The following IQCN variants were observed in gnomAD, a reference collection of about 807,000 sequenced individuals.
IQCN encodes IQ motif containing N.
IQCN carries 46 observed loss-of-function variants against 64.4 expected under a neutral mutation model. The ratio of observed to expected loss-of-function variants is 0.71; its 90% CI spans 0.56 to 0.91. IQCN has a LOEUF of 0.91. IQCN is among the 40% of genes least tolerant of loss of function. IQCN has a pLI of 0.00. For missense variants in IQCN, 1,753 were observed against 1,857.4 expected (o/e 0.94, Z 1.03); for synonymous variants, 733 against 775.6 (o/e 0.95, Z 0.91).
rs1238802392 is a variant in IQCN, at chr19:18,266,536, AT to A, written c.1003del (p.Ile335SerfsTer14). ...ATATGTCTGGAGTAGAGTCTTGGTG[AT>A]CATGGGCCCTGGACATATCTGGAAG... ...APFQICPGPM[I>X]TKTLLQTYPV... On this transcript the variant is annotated frameshift_variant, in exon 3 of 4. Transcript: ENST00000392413. LOFTEE classifies it high-confidence loss of function. The surrounding 1 kb of genome is among the most constrained non-coding windows in gnomAD (Gnocchi z 4.3). 1 of 1,611,748 alleles carries A rather than the reference AT, an allele frequency of 6.2e-7. No individual in the cohort carries two copies. The highest frequency in any genetic ancestry group is 1.7e-5 in the Admixed American group (1 of 59,784).
In IQCN at chr19:18,266,223, C is replaced by T. The variant is rs372286670; in HGVS notation, c.1317G>A (p.Lys439=). ...PQVSLLASIM[K]SLPQVCPGPA... ...GCCCCGGGCATACCTGGGGCAGGCT[C>T]TTCATGATGGAAGCCAGAAGGGAAA... Residue 439 remains lysine, a synonymous_variant, in exon 3 of 4, where the codon AAG becomes AAA. Coordinates refer to ENST00000392413, the MANE Select transcript of IQCN (RefSeq NM_001145304.2). The surrounding 1 kb of genome is among the most constrained non-coding windows in gnomAD (Gnocchi z 4.3). The T allele has an allele frequency of 7.4e-6, 12 of 1,613,838 alleles. No individual in the cohort carries two copies.
In IQCN at chr19:18,265,688, T is replaced by A; in HGVS notation, c.1852A>T (p.Met618Leu). ...TGTQKQAKTDMAFKTSVAVEM... is the reference protein window; with the variant it reads ...TGTQKQAKTDLAFKTSVAVEM... ...ACTGCCACACTGGTCTTAAATGCCA[T>A]GTCTGTTTTCGCCTGTTTCTGGGTG... Residue 618 changes from methionine to leucine, a missense_variant, in exon 3 of 4, where the codon ATG (methionine) becomes TTG (leucine). Coordinates refer to ENST00000392413, the MANE Select transcript of IQCN (RefSeq NM_001145304.2). This position sits in a 1 kb window ranked among gnomAD's most constrained non-coding sequence, Gnocchi z 4.7. The A allele has an allele frequency of 6.2e-7, 1 of 1,614,176 alleles. No homozygotes were observed. The highest frequency in any genetic ancestry group is 8.5e-7 in the Non-Finnish European group (1 of 1,180,040).
intron 2 of IQCN, among the ~76,000 whole-genome samples, chr19:18,268,137 C>T (rs917227643): frequency 4.7e-5 from 7 of 150,394 alleles, no homozygotes; most frequent in Non-Finnish European, 1.0e-4. Context: ...CTGGGTTTAG[C>T]ACTGATCACA....
chr19:18,257,689 C>G lies in IQCN; in HGVS notation c.3595G>C (p.Gly1199Arg). 6.2e-7 allele frequency: 1 copy of G among 1,604,280 alleles called. No individual in the cohort carries two copies. The highest frequency in any genetic ancestry group is 8.5e-7 in the Non-Finnish European group (1 of 1,174,308). Reference protein sequence around the residue: ...VTWVELGSRAGVMSDRSWFQD... With the variant: ...VTWVELGSRARVMSDRSWFQD... ...AACCAGCTTCGGTCAGACATGACCC[C>G]GGCCCGGCTGCCCAGCTCCACCCAC... The change falls in exon 4 of 4, where the codon GGG (glycine) becomes CGG (arginine). Residue 1199 changes from glycine to arginine, a missense_variant. Coordinates refer to ENST00000392413, the MANE Select transcript of IQCN (RefSeq NM_001145304.2).
chr19:18,271,099 G>C (rs1396451660), intron 1 of IQCN, among the ~76,000 whole-genome samples: 1 of 149,116 alleles, frequency 6.7e-6, no homozygotes, highest in Non-Finnish European at 1.5e-5. Context: ...TTGAACCCGA[G>C]AGATGGAGAT....
At chr19:18,273,258 C>CT (rs1969780621) in intron 1 of IQCN, among the ~76,000 whole-genome samples, 1 of 151,864 alleles carries the variant, frequency 6.6e-6, no homozygotes, top group South Asian at 2.1e-4. Context: ...TCTCGAACCC[C>CT]TGACCTCAAG....
intron 1 of IQCN, among the ~76,000 whole-genome samples, chr19:18,272,918 T>A (rs57090641): frequency 6.6e-6 from 1 of 151,664 alleles, no homozygotes; most frequent in African/African-American, 2.4e-5. Context: ...CCGAGCATTG[T>A]GCTCACTTTA....
At chr19:18,272,613 C>CT (rs56180429) in intron 1 of IQCN, among the ~76,000 whole-genome samples, 16,108 of 142,694 alleles carry the variant, frequency 0.11, 1,023 homozygotes, top group South Asian at 0.15. Flanking sequence ...ATTGTGCTCA[C>CT]TTTTTTTTTT....
rs562806315 is a variant in IQCN, at chr19:18,264,624, G to A, written c.2916C>T (p.Ala972=). Residue 972 remains alanine (A), a synonymous_variant, in exon 3 of 4, where the codon GCC becomes GCT. Transcript: ENST00000392413. This position sits in a 1 kb window ranked among gnomAD's most constrained non-coding sequence, Gnocchi z 4.3. ...CCGTCAAAGCCTTGCTAAGCACCTCGGCCAATTTACCCTGCATGACCTTGG... is the reference window on the plus strand; with the variant it reads ...CCGTCAAAGCCTTGCTAAGCACCTCAGCCAATTTACCCTGCATGACCTTGG... The part of the protein sequence containing the change: ...ELTKVMQGKL[A]EVLSKALTEE... 5.8e-6 allele frequency: 9 copies of A among 1,551,336 alleles called. No individual in the cohort carries two copies. The highest frequency in any genetic ancestry group is 3.6e-5 in the South Asian group (3 of 84,050).
intron 3 of IQCN, among the ~76,000 whole-genome samples, chr19:18,263,466 T>C (rs1301889308): frequency 1.3e-5 from 2 of 152,190 alleles, no homozygotes; most frequent in African/African-American, 4.8e-5. Context: ...ATTCCTCCCC[T>C]GTCCACAGAC....
chr19:18,268,887 G>T (rs1050205954), intron 2 of IQCN, among the ~76,000 whole-genome samples: 3 of 150,694 alleles, frequency 2.0e-5, no homozygotes, highest in Non-Finnish European at 4.4e-5. Flanking sequence ...GTTTGAACCC[G>T]GTAGGCAGAG....
Position 18,267,468 on chromosome 19 carries a change from G to C in IQCN, c.72C>G (p.His24Gln). The C allele has an allele frequency of 6.5e-7, 1 of 1,537,416 alleles. No homozygotes were observed. The highest frequency in any genetic ancestry group is 8.7e-7 in the Non-Finnish European group (1 of 1,145,048). Residue 24 changes from histidine to glutamine, a missense_variant, in exon 3 of 4, where the codon CAC (histidine) becomes CAG (glutamine). Coordinates refer to ENST00000392413, the MANE Select transcript of IQCN (RefSeq NM_001145304.2). ...CCGCCCACTGGGTGACAACTGGCTC[G>C]TGAACTGTAGCTAGGCGGCCGGCTG... ...GNAAGRLATV[H>Q]EPVVTQWAVH...
Position 18,265,906 on chromosome 19 carries a change from C to A in IQCN, c.1634G>T (p.Gly545Val). The A allele has an allele frequency of 6.2e-7, 1 of 1,614,160 alleles. No homozygotes were observed. Among genetic ancestry groups the A allele is most frequent in the South Asian group, 1.1e-5 (1 of 91,076 alleles). ...CTTGGGTGGGTTCTCATGGATGGAG[C>A]CTGAGGTGTTGGGAGTTCCGGCTGC... The part of the protein sequence containing the change: ...AVAAGTPNTS[G>V]SIHENPPKAK... Residue 545 changes from glycine to valine, a missense_variant, in exon 3 of 4, where the codon GGC becomes GTC. Transcript: ENST00000392413. The surrounding 1 kb of genome is among the most constrained non-coding windows in gnomAD (Gnocchi z 4.7).
At position 18,265,365 on chromosome 19, in the gene IQCN, A is replaced by C; in HGVS notation, c.2175T>G (p.Gly725=). ...GCGCTTGGGACTGGACCTTCACGGC[A>C]CCTGTGGCCAGATGTGTCTGGGAAT... ...KMHSQTHLAT[G]AVKVQSQAPL... The change falls in exon 3 of 4, where the codon GGT becomes GGG. Residue 725 remains glycine, a synonymous_variant. Coordinates refer to ENST00000392413, the MANE Select transcript of IQCN (RefSeq NM_001145304.2). This position sits in a 1 kb window ranked among gnomAD's most constrained non-coding sequence, Gnocchi z 4.7. 6.2e-7 allele frequency: 1 copy of C among 1,614,018 alleles called. No homozygotes were observed. Among genetic ancestry groups the C allele is most frequent in the Non-Finnish European group, 8.5e-7 (1 of 1,179,992 alleles).
chr19:18,272,774 T>C (rs981804482), intron 1 of IQCN, among the ~76,000 whole-genome samples: 14 of 151,294 alleles, frequency 9.3e-5, no homozygotes, highest in African/African-American at 2.9e-4. Flanking sequence ...CCACGCCCAG[T>C]TAATATTTTG....
At chr19:18,269,153 A>AAGGAAGGGAGGG in intron 2 of IQCN, among the ~76,000 whole-genome samples, 1 of 97,296 alleles carries the variant, frequency 1.0e-5, no homozygotes, top group Non-Finnish European at 2.1e-5. Context: ...AGAAGGAAGG[A>AAGGAAGGGAGGG]AGCAAGGGAG....
Position 18,270,947 on chromosome 19 carries a change from G to T in IQCN, c.-109-1360C>A, listed in dbSNP as rs185651806. Among the ~76,000 whole-genome samples, 6 of 152,158 alleles carry T rather than the reference G, an allele frequency of 3.9e-5. No homozygotes were observed. In the East Asian group the frequency reaches 9.7e-4, roughly 24 times the overall value. On this transcript the variant is annotated intron_variant, in intron 1 of 3. Coordinates refer to ENST00000392413, the MANE Select transcript of IQCN (RefSeq NM_001145304.2). ...CCAGCACTTCGGGAGGCCAAGGCAG[G>T]TGGATCACAAGGTCAGGAGTTCGAG...
Position 18,264,883 on chromosome 19 carries a change from C to A in IQCN, c.2657G>T (p.Gly886Val). 6.2e-7 allele frequency: 1 copy of A among 1,612,846 alleles called. No individual in the cohort carries two copies. The highest frequency in any genetic ancestry group is 8.5e-7 in the Non-Finnish European group (1 of 1,179,740). ...LLASLCAEVA[G>V]VLASQEDLRT... is the part of the protein sequence containing the mutation. ...GAGATCCTCCTGGGATGCCAGCACA[C>A]CAGCTACTTCAGCACACAAGGAGGC... Residue 886 changes from glycine to valine, a missense_variant, in exon 3 of 4, where the codon GGT becomes GTT. Coordinates refer to ENST00000392413, the MANE Select transcript of IQCN (RefSeq NM_001145304.2). The surrounding 1 kb of genome is among the most constrained non-coding windows in gnomAD (Gnocchi z 4.3).
rs1285443449 is a variant in IQCN at position 18,270,315 on chromosome 19, C to T, written c.-109-728G>A. Among the ~76,000 whole-genome samples the T allele has an allele frequency of 3.4e-5, 5 of 146,738 alleles. No individual in the cohort carries two copies. The Admixed American group carries it at 3.5e-4, about 10-fold the overall frequency. ...GGCAGAGATTTCAGTGAGCTGAGATCGTGCCATTGTACTCCATCTGGGGCA... is the reference window on the plus strand; with the variant it reads ...GGCAGAGATTTCAGTGAGCTGAGATTGTGCCATTGTACTCCATCTGGGGCA... On this transcript the variant is annotated intron_variant, in intron 1 of 3. Coordinates refer to ENST00000392413, the MANE Select transcript of IQCN (RefSeq NM_001145304.2).
Sources: allele counts gnomAD v4.1 joint callset (sites outside exome capture counted in the v4.1 genomes callset), GRCh38; gene constraint gnomAD v4.1.1; non-coding constraint Gnocchi (gnomAD v3.1); transcripts MANE v1.5; gene names NCBI Gene and HGNC (gene_info 2026-07-23, HGNC 2026-07-21).